The following ZCCHC17 variants were observed in gnomAD, a reference collection of about 807,000 sequenced individuals.
ZCCHC17 encodes zinc finger CCHC domain-containing protein 17.
ZCCHC17 carries 18 observed loss-of-function variants against 30.6 expected under a neutral mutation model. The observed-to-expected ratio is 0.59, with a 90% CI of 0.41 to 0.87. The LOEUF (loss-of-function observed/expected upper bound fraction) is 0.87, where lower values mean the gene tolerates loss of function less well. Ranked by LOEUF, ZCCHC17 falls within the 40% of genes least tolerant of loss-of-function variation. The pLI is 0.00. For synonymous variants in ZCCHC17, 88 were observed against 92.4 expected (o/e 0.95, Z 0.27); for missense variants, 263 against 284.2 (o/e 0.93, Z 0.54).
chr1:31,327,711 A>G (rs1638412297), intron 3 of ZCCHC17, among the ~76,000 whole-genome samples: 1 of 152,190 alleles, frequency 6.6e-6, no homozygotes, highest in Non-Finnish European at 1.5e-5. Flanking sequence ...ATTTTACTTA[A>G]TGGCCCCAAA....
At chr1:31,331,835 C>T (rs868288696) in intron 3 of ZCCHC17, among the ~76,000 whole-genome samples, 1 of 151,948 alleles carries the variant, frequency 6.6e-6, no homozygotes, top group South Asian at 2.1e-4. Flanking sequence ...TGCTCTCGAT[C>T]TCTTGACCTC....
Position 31,313,227 on chromosome 1 carries a change from C to T in ZCCHC17, c.66+3063C>T, listed in dbSNP as rs1228005362. ...CGAGGTAGCTGGGACTACAGGCACACACCACAACACCTGGCTAATTTTTCT... is the reference window on the plus strand; with the variant it reads ...CGAGGTAGCTGGGACTACAGGCACATACCACAACACCTGGCTAATTTTTCT... On this transcript the variant is annotated intron_variant, in intron 2 of 7. Transcript: ENST00000344147. 2.6e-5 allele frequency among the ~76,000 whole-genome samples: 4 copies of T among 151,820 alleles called. 1 individual carries two copies. Among genetic ancestry groups the T allele is most frequent in the Admixed American group, 1.3e-4 (2 of 15,226 alleles).
chr1:31,357,880 C>T (rs370745042), intron 7 of ZCCHC17, among the ~76,000 whole-genome samples: 21 of 152,002 alleles, frequency 1.4e-4, no homozygotes, highest in Admixed American at 8.5e-4. Context: ...CTCAGCCTCC[C>T]GAGTAGCTGG....
chr1:31,324,826 A>G (rs1638270917), intron 3 of ZCCHC17, among the ~76,000 whole-genome samples: 1 of 151,476 alleles, frequency 6.6e-6, no homozygotes, highest in African/African-American at 2.4e-5. Flanking sequence ...TGATGGTGAC[A>G]AGAGGCAGAC....
intron 6 of ZCCHC17, 196 bp downstream of exon 6, chr1:31,346,936 C>T: frequency 3.2e-6 from 4 of 1,232,746 alleles, no homozygotes; most frequent in Non-Finnish European, 4.4e-6. Flanking sequence ...GAGTGCTGGC[C>T]CTACCAGATA....
intron 1 of ZCCHC17, 134 bp from the exon 2 acceptor site, chr1:31,309,908 CAA>C (rs1407455280): frequency 2.2e-6 from 1 of 455,812 alleles, no homozygotes; most frequent in Non-Finnish European, 3.8e-6. Context: ...TTAGAATAAA[CAA>C]AAGAGATTTG....
intron 3 of ZCCHC17, among the ~76,000 whole-genome samples, chr1:31,319,838 T>G (rs1426633835): frequency 1.3e-5 from 2 of 152,102 alleles, no homozygotes; most frequent in East Asian, 3.8e-4. Context: ...TAACTTCTTA[T>G]GCTAAAATAA....
intron 3 of ZCCHC17, among the ~76,000 whole-genome samples, chr1:31,335,038 G>A (rs1557444467): frequency 6.6e-6 from 1 of 152,216 alleles, no homozygotes. Context: ...GGCCAATCTT[G>A]TCAGGGGCTT....
chr1:31,342,005 A>G (rs954424011), intron 5 of ZCCHC17, among the ~76,000 whole-genome samples: 1 of 152,044 alleles, frequency 6.6e-6, no homozygotes, highest in Non-Finnish European at 1.5e-5. Flanking sequence ...AACAGAGACC[A>G]TGACTTGTCT....
At chr1:31,337,378 A>C in intron 4 of ZCCHC17, 103 bp downstream of exon 4, 1 of 1,004,994 alleles carries the variant, frequency 1.0e-6, no homozygotes, top group Non-Finnish European at 1.5e-6. Flanking sequence ...AATTGTGCTG[A>C]TAATCTTATT....
At chr1:31,337,146 T>C (rs1351831249) in intron 3 of ZCCHC17, 29 bp from the exon 4 acceptor site, 1 of 1,596,888 alleles carries the variant, frequency 6.3e-7, no homozygotes, top group East Asian at 2.2e-5. Flanking sequence ...TGCCCTCTGC[T>C]TTACGTTATT....
intron 3 of ZCCHC17, among the ~76,000 whole-genome samples, chr1:31,322,266 A>T (rs1193838474): frequency 1.3e-5 from 2 of 152,156 alleles, no homozygotes; most frequent in East Asian, 3.8e-4. Context: ...CACAAACTTA[A>T]GGGCTCAGTC....
intron 5 of ZCCHC17, among the ~76,000 whole-genome samples, chr1:31,340,408 C>G (rs1210234549): frequency 6.6e-6 from 1 of 151,134 alleles, no homozygotes; most frequent in East Asian, 1.9e-4. Flanking sequence ...ACCTCCGCCT[C>G]CCAGGTTCAA....
At chr1:31,309,005 CA>C (rs1325003162) in intron 1 of ZCCHC17, among the ~76,000 whole-genome samples, 1 of 152,040 alleles carries the variant, frequency 6.6e-6, no homozygotes, top group Non-Finnish European at 1.5e-5. Context: ...GAATATAGAT[CA>C]AATTGAATTA....
At chr1:31,297,375 G>A (rs1467624990) in intron 1 of ZCCHC17, among the ~76,000 whole-genome samples, 1 of 152,172 alleles carries the variant, frequency 6.6e-6, no homozygotes, top group Non-Finnish European at 1.5e-5. Flanking sequence ...GCCTCCTCCG[G>A]TGCCCCATTT....
chr1:31,334,357 G>A (rs866795157), intron 3 of ZCCHC17, among the ~76,000 whole-genome samples: 1 of 139,866 alleles, frequency 7.1e-6, no homozygotes, highest in African/African-American at 2.8e-5. Flanking sequence ...GTGTGTGTGT[G>A]TGTGTGTGTG....
chr1:31,346,919 C>G, intron 6 of ZCCHC17, 179 bp downstream of exon 6: 1 of 1,364,596 alleles, frequency 7.3e-7, no homozygotes, highest in Non-Finnish European at 9.8e-7. Context: ...TTTCTGTTTT[C>G]TTTTCTGAGT....
At chr1:31,337,317 G>A in intron 4 of ZCCHC17, 42 bp downstream of exon 4, 1 of 1,544,548 alleles carries the variant, frequency 6.5e-7, no homozygotes, top group Non-Finnish European at 8.9e-7. Flanking sequence ...AAAGGATTAG[G>A]AAGAGCTGGG....
At chr1:31,350,599 G>T (rs12734617) in intron 7 of ZCCHC17, among the ~76,000 whole-genome samples, 68,407 of 151,566 alleles carry the variant, frequency 0.45, 18,959 homozygotes, top group Non-Finnish European at 0.62. Context: ...CTTTATTTTT[G>T]ATTTTCTTTT....
Sources: allele counts gnomAD v4.1 joint callset (sites outside exome capture counted in the v4.1 genomes callset), GRCh38; gene constraint gnomAD v4.1.1; transcripts MANE v1.5; gene names NCBI Gene and HGNC (gene_info 2026-07-23, HGNC 2026-07-21).